Variants in SAXO4 observed in about 807,000 individuals in gnomAD.
The protein encoded by SAXO4 is stabilizer of axonemal microtubules 4.
the SAXO4 span, chr11:61,482,429 G>A: frequency 6.2e-7 from 1 of 1,612,268 alleles, no homozygotes; most frequent in Non-Finnish European, 8.5e-7. Context: ...CGGCCAGGGG[G>A]TACGGTCTGT....
At chr11:61,482,489 C>T in the SAXO4 span, 1 of 1,573,474 alleles carries the variant, frequency 6.4e-7, no homozygotes, top group Non-Finnish European at 8.7e-7. Context: ...CTCCAGGTTC[C>T]TTGGATGGGG....
At chr11:61,486,884 C>G in the SAXO4 span, 1 of 1,379,056 alleles carries the variant, frequency 7.3e-7, no homozygotes, top group Non-Finnish European at 1.0e-6. Context: ...CTGCTCCCCT[C>G]TCCATCCCTG....
chr11:61,489,728 T>C, the SAXO4 span: 1 of 1,587,930 alleles, frequency 6.3e-7, no homozygotes, highest in South Asian at 1.1e-5. Context: ...GCAGCAGGGG[T>C]TGCAGAGGTG....
At chr11:61,489,693 G>C in the SAXO4 span, 1 of 1,391,576 alleles carries the variant, frequency 7.2e-7, no homozygotes, top group Non-Finnish European at 1.0e-6. Context: ...GGGAGGCTGG[G>C]CGATCTGAGG....
At chr11:61,489,828 C>T in the SAXO4 span, 17 of 1,613,906 alleles carry the variant, frequency 1.1e-5, no homozygotes, top group Middle Eastern at 1.6e-4. Context: ...AGGCTGGACT[C>T]GAGGTGGCAT....
chr11:61,481,579 G>A, the SAXO4 span, among the ~76,000 whole-genome samples: 6 of 152,218 alleles, frequency 3.9e-5, no homozygotes, highest in East Asian at 1.2e-3. Context: ...GTGTGGGAAA[G>A]TGAGAGGAGA....
At chr11:61,488,109 C>T in the SAXO4 span, among the ~76,000 whole-genome samples, 3 of 151,660 alleles carry the variant, frequency 2.0e-5, no homozygotes, top group Non-Finnish European at 4.4e-5. Context: ...GTCTCACCCT[C>T]CTAAATAGCT....
chr11:61,488,708 CT>C, the SAXO4 span: 1 of 154,540 alleles, frequency 6.5e-6, no homozygotes, highest in African/African-American at 2.4e-5. Context: ...GCCCCACCCC[CT>C]GCTCCGGGAT....
the SAXO4 span, among the ~76,000 whole-genome samples, chr11:61,490,240 A>G: frequency 6.6e-6 from 1 of 152,066 alleles, no homozygotes; most frequent in Non-Finnish European, 1.5e-5. Flanking sequence ...TCAGATCCAG[A>G]GGGGGATGCG....
chr11:61,485,919 G>A, the SAXO4 span: 12 of 1,599,438 alleles, frequency 7.5e-6, no homozygotes, highest in African/African-American at 2.7e-5. Context: ...CCTGTAAGTC[G>A]GCTGGGCTCC....
the SAXO4 span, chr11:61,490,712 G>A: frequency 1.5e-5 from 12 of 786,462 alleles, no homozygotes; most frequent in Non-Finnish European, 2.6e-5. Flanking sequence ...AGTGGGGGGT[G>A]ACAGATCAGG....
chr11:61,484,327 C>CA, the SAXO4 span, among the ~76,000 whole-genome samples: 1 of 152,140 alleles, frequency 6.6e-6, no homozygotes, highest in Non-Finnish European at 1.5e-5. Context: ...GCTATGGAGA[C>CA]ACTGGACAAA....
chr11:61,481,984 GGGA>G, the SAXO4 span: 3 of 1,118,906 alleles, frequency 2.7e-6, no homozygotes, highest in East Asian at 7.2e-5. Context: ...CTCTCTCTGA[GGGA>G]GGAGCAGACC....
At chr11:61,487,916 G>A in the SAXO4 span, among the ~76,000 whole-genome samples, 4 of 152,174 alleles carry the variant, frequency 2.6e-5, no homozygotes, top group Non-Finnish European at 5.9e-5. Context: ...CCATGGGGAA[G>A]CCTCCTGGGG....
the SAXO4 span, chr11:61,489,629 C>T: frequency 1.4e-6 from 1 of 739,308 alleles, no homozygotes; most frequent in Non-Finnish European, 2.3e-6. Context: ...TAAGAGTTCC[C>T]CCAGTGGACG....
chr11:61,486,614 A>T, the SAXO4 span: 1 of 1,613,836 alleles, frequency 6.2e-7, no homozygotes, highest in Non-Finnish European at 8.5e-7. Context: ...CCCCAGAGTG[A>T]GTGGCCTTGG....
chr11:61,481,368 T>TG, the SAXO4 span, among the ~76,000 whole-genome samples: 1 of 151,748 alleles, frequency 6.6e-6, no homozygotes, highest in Non-Finnish European at 1.5e-5. Context: ...ACTTCTTGGG[T>TG]GGGGGCCAAG....
At chr11:61,484,542 G>A in the SAXO4 span, 3 of 1,060,314 alleles carry the variant, frequency 2.8e-6, no homozygotes, top group African/African-American at 1.6e-5. Flanking sequence ...AGGGCTCTAA[G>A]CAGAGAGGGG....
the SAXO4 span, chr11:61,485,474 C>A: frequency 7.2e-7 from 1 of 1,385,424 alleles, no homozygotes; most frequent in East Asian, 2.4e-5. Flanking sequence ...CCCAGGGGCC[C>A]TGGAGCTGGC....
Sources: allele counts gnomAD v4.1 joint callset (sites outside exome capture counted in the v4.1 genomes callset), GRCh38; gene constraint gnomAD v4.1.1; transcripts MANE v1.5; gene names NCBI Gene and HGNC (gene_info 2026-07-23, HGNC 2026-07-21).